The following SNRPA variants were observed in gnomAD, a reference collection of about 807,000 sequenced individuals.
SNRPA encodes small nuclear ribonucleoprotein polypeptide A.
A neutral mutation model predicts 24.5 loss-of-function variants in SNRPA; 10 were observed. The ratio of observed to expected loss-of-function variants is 0.41; its 90% CI spans 0.25 to 0.69. SNRPA has a LOEUF of 0.69. Ranked by LOEUF, SNRPA falls within the 30% of genes least tolerant of loss-of-function variation. The probability of loss-of-function intolerance (pLI) is 0.33; values close to 1 mark genes in which losing one functional copy is unlikely to be tolerated. For missense variants in SNRPA, 283 were observed against 394.7 expected (o/e 0.72, Z 2.40); for synonymous variants, 165 against 148.4 (o/e 1.11, Z -0.81).
chr19:40,756,238 C>T (rs1242434591), intron 1 of SNRPA, among the ~76,000 whole-genome samples: 1 of 151,474 alleles, frequency 6.6e-6, no homozygotes, highest in East Asian at 1.9e-4. Context: ...CACTGAACTC[C>T]ACCCTGAGCA....
In SNRPA at chr19:40,762,848, T is replaced by C; in HGVS notation, c.427-53T>C. 8 of 1,583,318 alleles carry C rather than the reference T, an allele frequency of 5.1e-6. No individual in the cohort carries two copies. The South Asian group carries it at 9.0e-5, about 18-fold the overall frequency. On this transcript the variant is annotated intron_variant, in intron 3 of 5. Transcript: ENST00000243563. ...CGCTAGGTTTCCTTTCATGGCCTCT[T>C]CTCTGCCTCCTGGGGCTGCTGTAAC...
rs1161248298 is a variant in SNRPA at position 40,751,282 on chromosome 19, C to T, written c.-127C>T. Reference sequence around the variant, plus strand: ...TTGCCTCCGTCCTTGCCCCTACTCCCGCCTTACCTGACTTCCTTTTCGGAG... The same window carrying T: ...TTGCCTCCGTCCTTGCCCCTACTCCTGCCTTACCTGACTTCCTTTTCGGAG... On this transcript the variant is annotated 5_prime_UTR_variant, in exon 1 of 6. Coordinates refer to ENST00000243563, the MANE Select transcript of SNRPA (RefSeq NM_004596.5). 1.3e-6 allele frequency: 1 copy of T among 766,788 alleles called. No individual in the cohort carries two copies. Among genetic ancestry groups the T allele is most frequent in the Non-Finnish European group, 2.4e-6 (1 of 422,518 alleles). 47.5% of individuals were successfully genotyped at this position (766,788 alleles called of 1,614,324 possible).
chr19:40,753,779 G>T (rs993156897), intron 1 of SNRPA, among the ~76,000 whole-genome samples: 7 of 144,656 alleles, frequency 4.8e-5, no homozygotes, highest in African/African-American at 1.7e-4. Context: ...CTGGTTTTTT[G>T]TTTTTAAATC....
Position 40,753,384 on chromosome 19 carries a change from G to GTTTTTTTTTTT in SNRPA, c.73+1923_73+1933dup, listed in dbSNP as rs746525368. On this transcript the variant is annotated intron_variant, in intron 1 of 5. Coordinates refer to ENST00000243563, the MANE Select transcript of SNRPA (RefSeq NM_004596.5). ...AATCAGGAGTGTAAATTTTGCATATGTTTTTTTTTTTTTTTTTTTTTTTTT... is the reference window on the plus strand; with the variant it reads ...AATCAGGAGTGTAAATTTTGCATATGTTTTTTTTTTTTTTTTTTTTTTTTTTTTTTTTTTTT... Among the ~76,000 whole-genome samples, 112 of 38,388 alleles carry GTTTTTTTTTTT rather than the reference G, an allele frequency of 2.9e-3. 11 individuals carry two copies. Among genetic ancestry groups the GTTTTTTTTTTT allele is most frequent in the Admixed American group, 2.9e-3 (6 of 2,042 alleles). The allele number at this position is 38,388 out of a possible 152,430, so 25.2% of individuals were successfully genotyped here. A position where few individuals can be genotyped will look rare whatever the true frequency, so the allele number is the denominator to read the frequency against.
At chr19:40,753,789 CTTATT>C (rs1293060414) in intron 1 of SNRPA, among the ~76,000 whole-genome samples, 5 of 150,888 alleles carry the variant, frequency 3.3e-5, no homozygotes, top group African/African-American at 1.2e-4. Context: ...GTTTTTAAAT[CTTATT>C]TTATTTATTT....
At chr19:40,757,037 A>G (rs2082911385) in intron 1 of SNRPA, 1 of 343,792 alleles carries the variant, frequency 2.9e-6, no homozygotes, top group African/African-American at 2.2e-5. Flanking sequence ...GTGGCAGTGA[A>G]AAGAATCACT....
At chr19:40,763,789 A>G in intron 5 of SNRPA, 114 bp downstream of exon 5, 1 of 869,506 alleles carries the variant, frequency 1.2e-6, no homozygotes. Context: ...AGGGCTTTGC[A>G]GAAGGGACAG....
intron 3 of SNRPA, among the ~76,000 whole-genome samples, chr19:40,761,493 G>A (rs1333690023): frequency 9.7e-6 from 1 of 103,068 alleles, no homozygotes; most frequent in East Asian, 3.1e-4. Flanking sequence ...TTGAGACAGA[G>A]CCTCGCTCTG....
At chr19:40,761,742 C>T (rs1027530187) in intron 3 of SNRPA, among the ~76,000 whole-genome samples, 4 of 152,056 alleles carry the variant, frequency 2.6e-5, no homozygotes, top group Non-Finnish European at 4.4e-5. Flanking sequence ...GCTGGGATTA[C>T]AAGCGTGAGC....
rs748729343 is a variant in SNRPA at position 40,757,319 on chromosome 19, T to TC, written c.74-8dup. ...AAAGGGGAGCTCAAAGGTCTTTTTT[T>TC]CCCCCACTGCAGAGCTAAAAAAGTC... is the stretch of plus-strand genomic sequence containing the variant. On this transcript the variant is annotated splice_polypyrimidine_tract_variant and intron_variant, in intron 1 of 5. Coordinates refer to ENST00000243563, the MANE Select transcript of SNRPA (RefSeq NM_004596.5). 39 of 1,613,446 alleles carry TC rather than the reference T, an allele frequency of 2.4e-5. No individual in the cohort carries two copies. Among genetic ancestry groups the TC allele is most frequent in the Non-Finnish European group, 2.9e-5 (34 of 1,179,810 alleles).
chr19:40,761,746 C>T (rs982706796), intron 3 of SNRPA, among the ~76,000 whole-genome samples: 11 of 152,020 alleles, frequency 7.2e-5, no homozygotes, highest in Non-Finnish European at 1.2e-4. Context: ...GGATTACAAG[C>T]GTGAGCCACT....
intron 3 of SNRPA, 127 bp from the exon 4 acceptor site, chr19:40,762,774 G>T (rs1431040141): frequency 3.4e-6 from 3 of 882,456 alleles, no homozygotes; most frequent in African/African-American, 3.4e-5. Flanking sequence ...GGCCCTCTTT[G>T]GGTGCCTTTT....
At chr19:40,754,179 C>T (rs1239047644) in intron 1 of SNRPA, among the ~76,000 whole-genome samples, 1 of 150,586 alleles carries the variant, frequency 6.6e-6, no homozygotes, top group Non-Finnish European at 1.5e-5. Flanking sequence ...TCTCAGCTCA[C>T]TGCAACCTCC....
At chr19:40,759,706 GGGCT>G in intron 3 of SNRPA, 96 bp downstream of exon 3, 1 of 1,130,306 alleles carries the variant, frequency 8.8e-7, no homozygotes, top group South Asian at 1.6e-5. Flanking sequence ...TCTCCCCTTG[GGGCT>G]TCAGACCCCT....
chr19:40,762,834 CT>C, intron 3 of SNRPA, 66 bp from the exon 4 acceptor site: 1 of 1,533,342 alleles, frequency 6.5e-7, no homozygotes, highest in South Asian at 1.2e-5. Context: ...GCTAGGTTTC[CT>C]TTCATGGCCT....
At chr19:40,764,339 A>T (rs1349636831) in intron 5 of SNRPA, among the ~76,000 whole-genome samples, 1 of 152,204 alleles carries the variant, frequency 6.6e-6, no homozygotes, top group Non-Finnish European at 1.5e-5. Context: ...ACTTTATAAT[A>T]GTGCCGAGAG....
chr19:40,760,574 A>G (rs11665867), intron 3 of SNRPA, among the ~76,000 whole-genome samples: 19,999 of 152,176 alleles, frequency 0.13, 1,556 homozygotes, highest in Middle Eastern at 0.19. Context: ...GGCTCTTTCT[A>G]AATGTGTGGA....
chr19:40,759,429 A>G lies in SNRPA; in HGVS notation c.247-2A>G, dbSNP rs1245636339. The G allele has an allele frequency of 6.2e-7, 1 of 1,610,700 alleles. No homozygotes were observed. The highest frequency in any genetic ancestry group is 2.2e-5 in the East Asian group (1 of 44,778). On this transcript the variant is annotated splice_acceptor_variant, in intron 2 of 5. Coordinates refer to ENST00000243563, the MANE Select transcript of SNRPA (RefSeq NM_004596.5). LOFTEE classifies it high-confidence loss of function. ...TAACCCGTTCTGCTCTCTGTTTGGT[A>G]GCGTATCCAGTATGCCAAGACCGAC...
At chr19:40,764,064 T>C (rs1335722709) in intron 5 of SNRPA, among the ~76,000 whole-genome samples, 1 of 152,128 alleles carries the variant, frequency 6.6e-6, no homozygotes, top group East Asian at 1.9e-4. Flanking sequence ...AAACAGCAAG[T>C]GTGGGAGATG....
Sources: gnomAD v4.1 joint callset for allele counts (sites outside exome capture counted in the v4.1 genomes callset) on GRCh38, gnomAD v4.1.1 for gene constraint, MANE v1.5 for transcripts, NCBI Gene and HGNC (gene_info 2026-07-23, HGNC 2026-07-21) for gene names.